SRD5A2: variants seen among roughly 807,000 people sequenced by gnomAD.
SRD5A2 encodes the protein steroid 5 alpha-reductase 2.
A neutral mutation model predicts 27.4 loss-of-function variants in SRD5A2; 30 were observed. That is an observed-to-expected ratio of 1.10 (90% confidence interval 0.82 to 1.49). SRD5A2 has a LOEUF of 1.49. SRD5A2 is among the 40% of genes most tolerant of loss of function. The pLI is 0.00. For synonymous variants in SRD5A2, 141 were observed against 133.6 expected (o/e 1.06, Z -0.38); for missense variants, 348 against 323.4 (o/e 1.08, Z -0.58).
intron 1 of SRD5A2, chr2:31,563,577 G>C (rs1488305065): frequency 1.3e-5 from 2 of 152,056 alleles, no homozygotes; most frequent in Non-Finnish European, 2.9e-5. Flanking sequence ...CCTGAGTTGA[G>C]AAAACAAAAT....
Position 31,580,818 on chromosome 2 carries a change from G to A in SRD5A2, c.83C>T (p.Ala28Val). The A allele has an allele frequency of 2.5e-6, 4 of 1,612,468 alleles. No homozygotes were observed. The highest frequency in any genetic ancestry group is 2.5e-6 in the Non-Finnish European group (3 of 1,179,712). The change falls in exon 1 of 5, where the codon GCG (alanine) becomes GTG (valine). Residue 28 changes from alanine to valine, a missense_variant. Transcript: ENST00000622030. ...VALGALALYVAKPSGYGKHTE... is the reference protein window; with the variant it reads ...VALGALALYVVKPSGYGKHTE... ...GTGCTTCCCGTAGCCGGAGGGCTTC[G>A]CGACGTACAAGGCCAGTGCCCCAAG...
chr2:31,638,704 A>ATC, the SRD5A2 span, among the ~76,000 whole-genome samples: 1 of 149,666 alleles, frequency 6.7e-6, no homozygotes, highest in Non-Finnish European at 1.5e-5. Flanking sequence ...ATAGTCTCTG[A>ATC]TTTGTAGTCT....
chr2:31,559,291 A>G (rs964696924), intron 1 of SRD5A2, among the ~76,000 whole-genome samples: 7 of 152,254 alleles, frequency 4.6e-5, no homozygotes, highest in African/African-American at 1.4e-4. Context: ...GAAAAAAATG[A>G]GTAAGCTGTC....
At chr2:31,552,380 A>G (rs564181131) in intron 1 of SRD5A2, among the ~76,000 whole-genome samples, 1 of 152,034 alleles carries the variant, frequency 6.6e-6, no homozygotes, top group African/African-American at 2.4e-5. Context: ...TGGAATGACC[A>G]TCCGGCATCC....
the SRD5A2 span, among the ~76,000 whole-genome samples, chr2:31,588,581 A>C: frequency 6.6e-6 from 1 of 152,232 alleles, no homozygotes; most frequent in Non-Finnish European, 1.5e-5. Flanking sequence ...ATAAAAGCTG[A>C]GGAATTTCAT....
At chr2:31,529,256 TG>T in intron 4 of SRD5A2, 50 bp downstream of exon 4, 2 of 1,607,604 alleles carry the variant, frequency 1.2e-6, no homozygotes, top group Non-Finnish European at 1.7e-6. Context: ...AAAGCCTGTT[TG>T]GAGAAGAAGA....
chr2:31,583,435 T>C (rs72794644), upstream of SRD5A2, among the ~76,000 whole-genome samples: 10,118 of 151,856 alleles, frequency 0.067, 388 homozygotes, highest in Non-Finnish European at 0.084. Context: ...AGGTAGAAAA[T>C]TGGAACCAAT....
intron 1 of SRD5A2, among the ~76,000 whole-genome samples, chr2:31,542,423 G>A (rs975907677): frequency 6.6e-6 from 1 of 152,060 alleles, no homozygotes; most frequent in African/African-American, 2.4e-5. Context: ...AAGGCAGAAG[G>A]ATCACCTGAG....
At chr2:31,620,629 C>T in the SRD5A2 span, among the ~76,000 whole-genome samples, 1 of 151,802 alleles carries the variant, frequency 6.6e-6, no homozygotes, top group Admixed American at 6.6e-5. Flanking sequence ...AGTATACCTA[C>T]ATTAGTAATA....
chr2:31,585,571 C>T (rs1667160617), upstream of SRD5A2, among the ~76,000 whole-genome samples: 1 of 152,194 alleles, frequency 6.6e-6, no homozygotes, highest in Admixed American at 6.5e-5. Context: ...GAACCCACTG[C>T]TTTGAAGGGA....
chr2:31,556,505 T>G (rs1411094572), intron 1 of SRD5A2, among the ~76,000 whole-genome samples: 6 of 152,138 alleles, frequency 3.9e-5, no homozygotes, highest in Admixed American at 2.6e-4. Context: ...ACGTGGGCCC[T>G]AGATGCAAAC....
chr2:31,523,512 T>C lies in SRD5A2; in HGVS notation c.*2684A>G, dbSNP rs1290484169. On this transcript the variant is annotated 3_prime_UTR_variant, in exon 5 of 5. Transcript: ENST00000622030. ...CTGTGGGTCTCAGTGTCACTACCTA[T>C]AATGTGAAGTGGTAGGAATAGCTGA... is the stretch of plus-strand genomic sequence containing the variant. 2.7e-5 allele frequency: 6 copies of C among 220,250 alleles called. No homozygotes were observed. The highest frequency in any genetic ancestry group is 1.3e-4 in the African/African-American group (6 of 44,610). 13.6% of individuals were successfully genotyped at this position (220,250 alleles called of 1,614,324 possible).
chr2:31,590,385 T>G, the SRD5A2 span, among the ~76,000 whole-genome samples: 1 of 152,132 alleles, frequency 6.6e-6, no homozygotes, highest in Non-Finnish European at 1.5e-5. Flanking sequence ...CTTGAAGAGA[T>G]CCTTCACGTC....
At chr2:31,542,186 A>T (rs1666142539) in intron 1 of SRD5A2, among the ~76,000 whole-genome samples, 3 of 152,234 alleles carry the variant, frequency 2.0e-5, no homozygotes, top group African/African-American at 7.2e-5. Context: ...AAGGAAAGCA[A>T]AGAGTAAAGA....
chr2:31,648,440 T>G, the SRD5A2 span, among the ~76,000 whole-genome samples: 1 of 152,192 alleles, frequency 6.6e-6, no homozygotes, highest in Non-Finnish European at 1.5e-5. Context: ...CAACTGCATT[T>G]CAACCTGCCA....
chr2:31,589,986 T>G, the SRD5A2 span, among the ~76,000 whole-genome samples: 1 of 152,102 alleles, frequency 6.6e-6, no homozygotes. Context: ...GGCCCGTCAC[T>G]GCCTGTTTTC....
rs780523225 is a variant in SRD5A2 at position 31,529,409 on chromosome 2, A to G, written c.596T>C (p.Ile199Thr). ...VSGANFLGEIIEWIGYALATW... is the reference protein window; with the variant it reads ...VSGANFLGEITEWIGYALATW... Reference sequence around the variant, plus strand: ...GGCCAGGGCATAGCCGATCCATTCAATGATCTCACCGAGGAAATTGGCTCC... The same window carrying G: ...GGCCAGGGCATAGCCGATCCATTCAGTGATCTCACCGAGGAAATTGGCTCC... The change falls in exon 4 of 5, where the codon ATT becomes ACT. Residue 199 changes from isoleucine to threonine, a missense_variant. Coordinates refer to ENST00000622030, the MANE Select transcript of SRD5A2 (RefSeq NM_000348.4). 5.0e-6 allele frequency: 8 copies of G among 1,613,828 alleles called. No individual in the cohort carries two copies. The African/African-American group carries it at 6.7e-5, about 13-fold the overall frequency.
At chr2:31,544,711 T>C (rs1666207764) in intron 1 of SRD5A2, among the ~76,000 whole-genome samples, 2 of 151,422 alleles carry the variant, frequency 1.3e-5, no homozygotes, top group African/African-American at 2.4e-5. Flanking sequence ...AGAACAAAGA[T>C]CAAAGAAATC....
At chr2:31,557,534 T>C (rs1373953213) in intron 1 of SRD5A2, among the ~76,000 whole-genome samples, 1 of 152,172 alleles carries the variant, frequency 6.6e-6, no homozygotes, top group African/African-American at 2.4e-5. Context: ...TAGGAAAAAC[T>C]CAATGTGAAG....
Sources: allele counts gnomAD v4.1 joint callset (sites outside exome capture counted in the v4.1 genomes callset), GRCh38; gene constraint gnomAD v4.1.1; transcripts MANE v1.5; gene names NCBI Gene and HGNC (gene_info 2026-07-23, HGNC 2026-07-21).